ALCAM: variants seen among roughly 807,000 people sequenced by gnomAD.
ALCAM encodes the protein CD166 antigen.
Under a neutral mutation model 70.9 loss-of-function variants are expected in ALCAM, and 30 were observed. The observed-to-expected ratio is 0.42, with a 90% CI of 0.32 to 0.57. The LOEUF (loss-of-function observed/expected upper bound fraction) is 0.57. Among genes scored for constraint, ALCAM ranks in the 20% least tolerant of loss-of-function variants. ALCAM has a pLI of 0.11. For missense variants in ALCAM, 591 were observed against 695.1 expected (o/e 0.85, Z 1.68); for synonymous variants, 249 against 242.5 (o/e 1.03, Z -0.25).
chr3:105,483,899 G>A (rs928299780), intron 1 of ALCAM, among the ~76,000 whole-genome samples: 1 of 151,900 alleles, frequency 6.6e-6, no homozygotes, highest in Non-Finnish European at 1.5e-5. Flanking sequence ...AGAGCTTAAC[G>A]TGCCTGGGAT....
chr3:105,419,358 G>C (rs749400763), intron 1 of ALCAM, among the ~76,000 whole-genome samples: 4 of 151,758 alleles, frequency 2.6e-5, no homozygotes, highest in South Asian at 2.1e-4. Context: ...TGTAGAAACA[G>C]GTACATTCTG....
At chr3:105,421,984 A>G (rs1936662577) in intron 1 of ALCAM, among the ~76,000 whole-genome samples, 1 of 151,114 alleles carries the variant, frequency 6.6e-6, no homozygotes, top group African/African-American at 2.4e-5. Context: ...TTATCCCACA[A>G]CCCACTCCCA....
chr3:105,524,734 T>TGTTC, intron 3 of ALCAM: 1 of 1,285,624 alleles, frequency 7.8e-7, no homozygotes. Flanking sequence ...TAATATTCTC[T>TGTTC]GTTACTTTGT....
At chr3:105,375,442 A>G (rs1318926578) in intron 1 of ALCAM, among the ~76,000 whole-genome samples, 1 of 152,202 alleles carries the variant, frequency 6.6e-6, no homozygotes, top group Non-Finnish European at 1.5e-5. Flanking sequence ...GCTACAGTGA[A>G]ATATCATTAA....
At chr3:105,505,080 T>G (rs544364352) in intron 1 of ALCAM, among the ~76,000 whole-genome samples, 1 of 152,348 alleles carries the variant, frequency 6.6e-6, no homozygotes, top group East Asian at 1.9e-4. Context: ...ATGCCTTAAT[T>G]GCTACACTCT....
intron 4 of ALCAM, 57 bp downstream of exon 4, chr3:105,532,123 C>T: frequency 7.2e-7 from 1 of 1,390,840 alleles, no homozygotes; most frequent in Non-Finnish European, 1.0e-6. Context: ...GTGCCTTCTT[C>T]TGACCTTACA....
chr3:105,549,477 C>T (rs929202147), intron 11 of ALCAM, among the ~76,000 whole-genome samples: 34 of 151,276 alleles, frequency 2.2e-4, no homozygotes, highest in African/African-American at 8.2e-4. Context: ...TTTGCCTCAA[C>T]CTTGTTGGGT....
intron 11 of ALCAM, among the ~76,000 whole-genome samples, chr3:105,548,417 G>A (rs1408498552): frequency 6.6e-6 from 1 of 151,344 alleles, no homozygotes; most frequent in African/African-American, 2.4e-5. Context: ...TAAATCTTCT[G>A]TACTTCTCAG....
intron 1 of ALCAM, among the ~76,000 whole-genome samples, chr3:105,396,028 G>C (rs890349288): frequency 6.6e-6 from 1 of 151,972 alleles, no homozygotes; most frequent in Non-Finnish European, 1.5e-5. Context: ...AGGGGAATTT[G>C]ATAGGTTTCT....
intron 6 of ALCAM, among the ~76,000 whole-genome samples, chr3:105,538,475 G>C (rs894239059): frequency 1.3e-5 from 2 of 152,104 alleles, no homozygotes; most frequent in African/African-American, 4.8e-5. Flanking sequence ...CTGTCAAAAC[G>C]CAAATGTGTT....
intron 14 of ALCAM, 71 bp downstream of exon 14, chr3:105,552,656 G>T (rs1940437999): frequency 6.2e-7 from 1 of 1,606,752 alleles, no homozygotes; most frequent in Non-Finnish European, 8.5e-7. Flanking sequence ...TGCTAATTTT[G>T]CTCACTCCAG....
intron 1 of ALCAM, among the ~76,000 whole-genome samples, chr3:105,480,081 G>T (rs757207100): frequency 3.3e-5 from 5 of 152,006 alleles, no homozygotes; most frequent in Non-Finnish European, 5.9e-5. Context: ...GTTGAAATAA[G>T]AATAATTTAA....
intron 1 of ALCAM, among the ~76,000 whole-genome samples, chr3:105,505,420 T>C (rs755727690): frequency 6.6e-6 from 1 of 152,094 alleles, no homozygotes; most frequent in Non-Finnish European, 1.5e-5. Context: ...AGGCACTATC[T>C]TGAGAACAAC....
At chr3:105,551,486 T>C (rs964132390) in intron 12 of ALCAM, among the ~76,000 whole-genome samples, 2 of 151,828 alleles carry the variant, frequency 1.3e-5, no homozygotes, top group African/African-American at 4.8e-5. Flanking sequence ...TTTTATCAAA[T>C]GTCACTGGCA....
intron 3 of ALCAM, chr3:105,525,074 A>G: frequency 2.1e-6 from 2 of 938,742 alleles, no homozygotes; most frequent in Non-Finnish European, 2.5e-6. Flanking sequence ...AGATATAGAT[A>G]CATTTCCATC....
intron 1 of ALCAM, among the ~76,000 whole-genome samples, chr3:105,374,982 G>A (rs889041282): frequency 2.0e-5 from 3 of 152,200 alleles, no homozygotes; most frequent in Non-Finnish European, 4.4e-5. Flanking sequence ...TGTTTGGTAA[G>A]CAGCCAAAAG....
intron 1 of ALCAM, among the ~76,000 whole-genome samples, chr3:105,519,565 A>G (rs1221567134): frequency 6.6e-6 from 1 of 152,156 alleles, no homozygotes; most frequent in African/African-American, 2.4e-5. Flanking sequence ...TCTTATGTGT[A>G]TTAATTCTCA....
intron 1 of ALCAM, among the ~76,000 whole-genome samples, chr3:105,370,037 C>G (rs1345815736): frequency 6.6e-6 from 1 of 152,162 alleles, no homozygotes; most frequent in Non-Finnish European, 1.5e-5. Context: ...GCAGTTAACT[C>G]TTTCTTCACT....
At chr3:105,474,595 G>GA (rs141419596) in intron 1 of ALCAM, among the ~76,000 whole-genome samples, 15,962 of 145,832 alleles carry the variant, frequency 0.11, 967 homozygotes, top group South Asian at 0.18. Flanking sequence ...CTTTTCTTGC[G>GA]AAAAAAAAAG....
Sources: allele counts gnomAD v4.1 joint callset (sites outside exome capture counted in the v4.1 genomes callset), GRCh38; gene constraint gnomAD v4.1.1; transcripts MANE v1.5; gene names NCBI Gene and HGNC (gene_info 2026-07-23, HGNC 2026-07-21).